The following NKAIN3 variants were observed in gnomAD, a reference collection of about 807,000 sequenced individuals.
NKAIN3 encodes sodium/potassium transporting ATPase interacting 3.
Under a neutral mutation model 30.2 loss-of-function variants are expected in NKAIN3, and 25 were observed. The ratio of observed to expected loss-of-function variants is 0.83; its 90% CI spans 0.60 to 1.16. NKAIN3 has a LOEUF of 1.16. NKAIN3 is among the 50% of genes most tolerant of loss of function. The pLI, the probability that NKAIN3 is intolerant of heterozygous loss-of-function variation, is 0.00. For missense variants in NKAIN3, 225 were observed against 254.1 expected, an observed-to-expected ratio of 0.89 and a Z score of 0.78; for synonymous variants, 91 against 89.6, an observed-to-expected ratio of 1.02 and a Z score of -0.09.
intron 4 of NKAIN3, among the ~76,000 whole-genome samples, chr8:62,788,302 T>C (rs1386681059): frequency 6.6e-6 from 1 of 152,228 alleles, no homozygotes; most frequent in East Asian, 1.9e-4. Flanking sequence ...TGATGAGCAT[T>C]TTTTCATGTG....
chr8:62,699,360 A>G (rs999796810), intron 3 of NKAIN3, among the ~76,000 whole-genome samples: 1 of 152,232 alleles, frequency 6.6e-6, no homozygotes, highest in Non-Finnish European at 1.5e-5. Context: ...AATCTATATT[A>G]AACTTTGAAT....
At chr8:62,453,881 T>A (rs560656046) in intron 1 of NKAIN3, among the ~76,000 whole-genome samples, 35 of 152,038 alleles carry the variant, frequency 2.3e-4, no homozygotes, top group African/African-American at 8.4e-4. Context: ...GGAATAAAAA[T>A]TAAAAAGCCT....
At chr8:62,682,336 C>T (rs1308964282) in intron 3 of NKAIN3, among the ~76,000 whole-genome samples, 1 of 152,080 alleles carries the variant, frequency 6.6e-6, no homozygotes, top group Non-Finnish European at 1.5e-5. Flanking sequence ...TGTGGGCTCT[C>T]TCAGTCCCCA....
Position 62,917,017 on chromosome 8 carries a change from G to A in NKAIN3, c.472-1436G>A, listed in dbSNP as rs573417331. Reference sequence around the variant, plus strand: ...GTTTGCCACTTTGCACCCCTACTTGGCTTCTATAGCCAAAGTACCACCATC... The same window carrying A: ...GTTTGCCACTTTGCACCCCTACTTGACTTCTATAGCCAAAGTACCACCATC... On this transcript the variant is annotated intron_variant, in intron 4 of 6. Coordinates refer to ENST00000623646, the MANE Select transcript of NKAIN3 (RefSeq NM_001304533.3). 7.2e-5 allele frequency among the ~76,000 whole-genome samples: 11 copies of A among 151,948 alleles called. No individual in the cohort carries two copies. In the South Asian group the frequency reaches 8.3e-4, roughly 12 times the overall value.
At chr8:62,950,088 A>G (rs148350335) in intron 5 of NKAIN3, among the ~76,000 whole-genome samples, 1 of 152,190 alleles carries the variant, frequency 6.6e-6, no homozygotes, top group Non-Finnish European at 1.5e-5. Context: ...CTTTCTTATC[A>G]GTGTAATATG....
chr8:62,719,339 A>T (rs1422661849), intron 3 of NKAIN3, among the ~76,000 whole-genome samples: 1 of 152,212 alleles, frequency 6.6e-6, no homozygotes, highest in Non-Finnish European at 1.5e-5. Context: ...TCCCAGGGAG[A>T]TATTAGGCAT....
chr8:62,866,890 C>CAAAAAAAA (rs59832626), intron 4 of NKAIN3, among the ~76,000 whole-genome samples: 47 of 125,880 alleles, frequency 3.7e-4, no homozygotes, highest in African/African-American at 1.1e-3. Flanking sequence ...ACTAAAAATA[C>CAAAAAAAA]AAAAAAAAAA....
At chr8:62,533,013 A>G (rs1563443848) in intron 1 of NKAIN3, among the ~76,000 whole-genome samples, 1 of 152,192 alleles carries the variant, frequency 6.6e-6, no homozygotes, top group South Asian at 2.1e-4. Context: ...AGACACTTAG[A>G]TACTATTTTC....
At chr8:62,926,675 T>C (rs2353388) in intron 5 of NKAIN3, among the ~76,000 whole-genome samples, 119,296 of 152,058 alleles carry the variant, frequency 0.78, 47,747 homozygotes, top group East Asian at 0.97. Context: ...CGGCGGCTTT[T>C]TCCTCCTCTG....
chr8:62,829,672 A>C (rs778274346), intron 4 of NKAIN3, among the ~76,000 whole-genome samples: 69 of 152,300 alleles, frequency 4.5e-4, no homozygotes, highest in Non-Finnish European at 6.0e-4. Context: ...AAATTAAATA[A>C]GAATGATAAC....
chr8:62,306,576 G>A (rs868189173), intron 1 of NKAIN3, among the ~76,000 whole-genome samples: 1 of 129,156 alleles, frequency 7.7e-6, no homozygotes, highest in Non-Finnish European at 1.7e-5. Context: ...GTGTGTGTGT[G>A]TTGTGTGTGT....
intron 4 of NKAIN3, among the ~76,000 whole-genome samples, chr8:62,868,569 T>C (rs879910724): frequency 4.6e-5 from 7 of 152,260 alleles, no homozygotes; most frequent in Admixed American, 4.6e-4. Flanking sequence ...GCTGTAACTT[T>C]GATTCAGCCA....
intron 5 of NKAIN3, among the ~76,000 whole-genome samples, chr8:62,944,370 C>G (rs151243693): frequency 2.6e-5 from 4 of 152,064 alleles, no homozygotes; most frequent in African/African-American, 9.6e-5. Context: ...TCAAGATTGT[C>G]TTAACTAATC....
chr8:62,367,567 T>C (rs568854578), intron 1 of NKAIN3, among the ~76,000 whole-genome samples: 49 of 152,306 alleles, frequency 3.2e-4, no homozygotes, highest in African/African-American at 1.2e-3. Context: ...ATTTAGTATG[T>C]AAGGATTGCA....
At chr8:62,576,631 C>G (rs1026453553) in intron 1 of NKAIN3, among the ~76,000 whole-genome samples, 8 of 152,104 alleles carry the variant, frequency 5.3e-5, no homozygotes, top group South Asian at 4.1e-4. Flanking sequence ...TGCATATAAA[C>G]AAATTCTAAT....
chr8:62,932,782 A>G (rs550450050), intron 5 of NKAIN3, among the ~76,000 whole-genome samples: 4 of 152,184 alleles, frequency 2.6e-5, no homozygotes, highest in South Asian at 2.1e-4. Context: ...TCTGTCACCA[A>G]TGCTGGAGTG....
intron 4 of NKAIN3, among the ~76,000 whole-genome samples, chr8:62,799,014 T>A (rs1192525453): frequency 6.6e-6 from 1 of 152,090 alleles, no homozygotes; most frequent in African/African-American, 2.4e-5. Context: ...CAAAGGGGGT[T>A]GAAGATCAAA....
chr8:62,892,410 C>T (rs979262), intron 4 of NKAIN3, among the ~76,000 whole-genome samples: 46,119 of 151,916 alleles, frequency 0.3, 7,777 homozygotes, highest in East Asian at 0.64. Context: ...TTAAAATTGT[C>T]GTCTTATTAA....
intron 1 of NKAIN3, among the ~76,000 whole-genome samples, chr8:62,560,490 T>G (rs1465721915): frequency 6.6e-6 from 1 of 151,522 alleles, no homozygotes; most frequent in East Asian, 1.9e-4. Context: ...TGCATAATTT[T>G]TATTATTTCA....
Sources: gnomAD v4.1 joint callset for allele counts (sites outside exome capture counted in the v4.1 genomes callset) on GRCh38, gnomAD v4.1.1 for gene constraint, MANE v1.5 for transcripts, NCBI Gene and HGNC (gene_info 2026-07-23, HGNC 2026-07-21) for gene names.